DNAAF5: variants seen among roughly 807,000 people sequenced by gnomAD.
DNAAF5 encodes the protein dynein axonemal assembly factor 5.
DNAAF5 carries 64 observed loss-of-function variants against 75.8 expected under a neutral mutation model. The ratio of observed to expected loss-of-function variants is 0.84; its 90% CI spans 0.69 to 1.04. The LOEUF (loss-of-function observed/expected upper bound fraction) is 1.04, where lower values mean the gene tolerates loss of function less well. DNAAF5 is among the 50% of genes least tolerant of loss of function. The pLI, the probability that DNAAF5 is intolerant of heterozygous loss-of-function variation, is 0.00. For synonymous variants in DNAAF5, 657 were observed against 557.2 expected (o/e 1.18, Z -2.52); for missense variants, 1,269 against 1,178.5 (o/e 1.08, Z -1.12).
At chr7:729,014 T>TTTTG (rs1781467087) in intron 1 of DNAAF5, among the ~76,000 whole-genome samples, 1 of 150,512 alleles carries the variant, frequency 6.6e-6, no homozygotes, top group African/African-American at 2.4e-5. Context: ...TTTTTTTTTT[T>TTTTG]GAGACAGGGT....
Position 770,583 on chromosome 7 carries a change from G to A in DNAAF5, c.1896G>A (p.Val632=), listed in dbSNP as rs1188699212. Residue 632 remains valine, a synonymous_variant, in exon 9 of 13, where the codon GTG becomes GTA. Transcript: ENST00000297440. ...AGCTGTTCTCCATCCTGTCCACCGT[G>A]CTGCTCAGAGCCACGGACACCATCA... ...RLKLFSILST[V]LLRATDTINS... is the part of the protein sequence containing the mutation. The A allele has an allele frequency of 6.8e-6, 11 of 1,613,626 alleles. No homozygotes were observed. Among genetic ancestry groups the A allele is most frequent in the African/African-American group, 2.7e-5 (2 of 74,932 alleles).
chr7:753,635 A>C (rs4076965), intron 4 of DNAAF5, among the ~76,000 whole-genome samples: 2 of 149,530 alleles, frequency 1.3e-5, no homozygotes, highest in South Asian at 2.1e-4. Context: ...TCACAGGCGT[A>C]TCTCTGTCAT....
intron 2 of DNAAF5, among the ~76,000 whole-genome samples, chr7:736,125 CAT>C (rs1440885149): frequency 6.6e-6 from 1 of 152,194 alleles, no homozygotes; most frequent in African/African-American, 2.4e-5. Flanking sequence ...CGTGGCCTAA[CAT>C]ATGGTCTGTC....
At chr7:740,031 C>T (rs536922450) in intron 2 of DNAAF5, among the ~76,000 whole-genome samples, 11 of 152,098 alleles carry the variant, frequency 7.2e-5, no homozygotes, top group African/African-American at 1.4e-4. Context: ...ACCACGGAGT[C>T]GGCCCCTGGC....
chr7:784,052 C>T (rs1200241614), intron 12 of DNAAF5, among the ~76,000 whole-genome samples: 5 of 151,298 alleles, frequency 3.3e-5, no homozygotes, highest in Non-Finnish European at 5.9e-5. Context: ...ACCGCACATC[C>T]GCCTGGCAGC....
intron 8 of DNAAF5, among the ~76,000 whole-genome samples, chr7:767,117 T>C (rs577131413): frequency 6.6e-6 from 1 of 151,760 alleles, no homozygotes; most frequent in East Asian, 2.0e-4. Context: ...CGGGCGCTTG[T>C]GGTCCCAGCT....
chr7:742,221 C>CG (rs1781932853), intron 4 of DNAAF5, among the ~76,000 whole-genome samples: 1 of 152,150 alleles, frequency 6.6e-6, no homozygotes, highest in Admixed American at 6.5e-5. Flanking sequence ...AGTCTATCTG[C>CG]GGGGCATCTT....
intron 2 of DNAAF5, among the ~76,000 whole-genome samples, chr7:732,027 C>G (rs767268092): frequency 6.6e-6 from 1 of 152,224 alleles, no homozygotes; most frequent in African/African-American, 2.4e-5. Flanking sequence ...CTGCTAGACT[C>G]GGCTTAAATC....
At chr7:762,234 C>T (rs1330426795) in intron 7 of DNAAF5, among the ~76,000 whole-genome samples, 2 of 152,152 alleles carry the variant, frequency 1.3e-5, no homozygotes, top group Non-Finnish European at 2.9e-5. Context: ...GCCTGTAATC[C>T]CAGCACTTTG....
chr7:775,540 A>G (rs920992765), intron 11 of DNAAF5, among the ~76,000 whole-genome samples: 9 of 145,824 alleles, frequency 6.2e-5, no homozygotes, highest in South Asian at 2.2e-4. Flanking sequence ...GTGTGTGTGT[A>G]TGGCTACATA....
rs1421365627 is a variant in DNAAF5 at position 774,053 on chromosome 7, T to A, written c.1937T>A (p.Phe646Tyr). Residue 646 changes from phenylalanine to tyrosine, a missense_variant, in exon 10 of 13, where the codon TTT (phenylalanine) becomes TAT (tyrosine). Phe to Tyr is a conservative substitution (Grantham distance 22, BLOSUM62 3). Coordinates refer to ENST00000297440, the MANE Select transcript of DNAAF5 (RefSeq NM_017802.4). ...ATDTINSQGQ[F>Y]PSYLETVTKD... is the part of the protein sequence containing the mutation. ...CCTCTCCGTTCCGGTTCCAGGCAGT[T>A]TCCCAGCTACCTCGAGACGGTGACA... is the stretch of plus-strand genomic sequence containing the variant. The A allele has an allele frequency of 2.5e-6, 4 of 1,614,084 alleles. No homozygotes were observed. In the South Asian group the frequency reaches 3.3e-5, roughly 13 times the overall value.
chr7:738,189 TCTG>T (rs1350508522), intron 2 of DNAAF5, among the ~76,000 whole-genome samples: 5 of 152,264 alleles, frequency 3.3e-5, no homozygotes, highest in Non-Finnish European at 7.3e-5. Flanking sequence ...CATAGTCAGT[TCTG>T]CTGTTGAGAG....
chr7:767,823 T>C (rs1210380544), intron 8 of DNAAF5, among the ~76,000 whole-genome samples: 1 of 146,520 alleles, frequency 6.8e-6, no homozygotes, highest in African/African-American at 2.6e-5. Context: ...AGACACGTGG[T>C]CCGGGTGGAA....
At chr7:745,011 G>A (rs934144856) in intron 4 of DNAAF5, among the ~76,000 whole-genome samples, 4 of 152,172 alleles carry the variant, frequency 2.6e-5, no homozygotes, top group Admixed American at 6.5e-5. Flanking sequence ...AATCCCACGC[G>A]TGCTGTGGTG....
chr7:756,741 T>C, intron 5 of DNAAF5, 41 bp from the exon 6 acceptor site: 2 of 1,594,838 alleles, frequency 1.3e-6, no homozygotes, highest in Non-Finnish European at 1.7e-6. Flanking sequence ...GCTGAGACCC[T>C]CGGGTTTGGC....
At position 726,758 on chromosome 7, in the gene DNAAF5, C is replaced by T. The variant is rs1781309047; in HGVS notation, c.38C>T (p.Pro13Leu). ...GGGGTGGCGGAGGCCGTGGCGGCCC[C>T]ACACCCGGCTGAGGGGGCCGAGACG... ...ALGVAEAVAA[P>L]HPAEGAETAE... Residue 13 changes from proline to leucine, a missense_variant, in exon 1 of 13, where the codon CCA (proline) becomes CTA (leucine). By Grantham distance (98) the Pro-to-Leu change is moderately conservative. Transcript: ENST00000297440. 8.0e-7 allele frequency: 1 copy of T among 1,255,718 alleles called. No individual in the cohort carries two copies. The highest frequency in any genetic ancestry group is 1.0e-6 in the Non-Finnish European group (1 of 1,002,030). The allele number at this position is 1,255,718 out of a possible 1,614,324, so 77.8% of individuals were successfully genotyped here. A position where few individuals can be genotyped will look rare whatever the true frequency, so the allele number is the denominator to read the frequency against.
At chr7:758,757 A>T (rs577964953) in intron 6 of DNAAF5, among the ~76,000 whole-genome samples, 5 of 152,164 alleles carry the variant, frequency 3.3e-5, no homozygotes, top group African/African-American at 1.2e-4. Context: ...ATCTTGGCTC[A>T]CTGCAGCCTC....
intron 4 of DNAAF5, among the ~76,000 whole-genome samples, chr7:753,311 G>A (rs556807855): frequency 6.6e-6 from 1 of 152,194 alleles, no homozygotes; most frequent in Non-Finnish European, 1.5e-5. Context: ...GAAAGGAGCG[G>A]GCACAGGCGG....
chr7:774,951 C>A (rs766781943), intron 10 of DNAAF5, 55 bp from the exon 11 acceptor site: 19 of 1,557,986 alleles, frequency 1.2e-5, no homozygotes, highest in Non-Finnish European at 1.7e-5. Flanking sequence ...GGTGAGCACC[C>A]CCACCCCACC....
Sources: gnomAD v4.1 joint callset for allele counts (sites outside exome capture counted in the v4.1 genomes callset) on GRCh38, gnomAD v4.1.1 for gene constraint, MANE v1.5 for transcripts, NCBI Gene and HGNC (gene_info 2026-07-23, HGNC 2026-07-21) for gene names.